Variants in ZNF8 observed in about 807,000 individuals in gnomAD.
ZNF8 encodes zinc finger protein 272.
A neutral mutation model predicts 12.2 loss-of-function variants in ZNF8; 9 were observed. The ratio of observed to expected loss-of-function variants is 0.73; its 90% CI spans 0.44 to 1.28. The LOEUF is 1.28. ZNF8 is among the 50% of genes most tolerant of loss of function. The probability of loss-of-function intolerance (pLI) is 0.00; values close to 1 mark genes in which losing one functional copy is unlikely to be tolerated. For missense variants in ZNF8, 664 were observed against 729.1 expected, an observed-to-expected ratio of 0.91 and a Z score of 1.03; for synonymous variants, 274 against 282.3, an observed-to-expected ratio of 0.97 and a Z score of 0.30.
rs985394699 is a variant in ZNF8 at position 58,285,863 on chromosome 19, G to T, written c.193+20G>T. On this transcript the variant is annotated intron_variant, in intron 2 of 3. Transcript: ENST00000621650. ...CCATAGGTAAGCCCTGCTTCGCAAG[G>T]TGTGATAGCTGATTCTCTCTGGGTT... is the stretch of plus-strand genomic sequence containing the variant. The T allele has an allele frequency of 1.2e-5, 19 of 1,591,926 alleles. No individual in the cohort carries two copies. The Admixed American group carries it at 1.6e-4, about 13-fold the overall frequency.
rs189816553 is a variant in ZNF8, at chr19:58,284,189, A to G, written c.67-1528A>G. ...CAGTGAGCCAAGATTGTGCCACTGC[A>G]CTCCAGCCTGATTGACAGAGTGAGA... On this transcript the variant is annotated intron_variant, in intron 1 of 3. Transcript: ENST00000621650. Among the ~76,000 whole-genome samples the G allele has an allele frequency of 3.1e-3, 477 of 152,064 alleles. 3 individuals carry two copies. The highest frequency in any genetic ancestry group is 0.011 in the African/African-American group (459 of 41,462).
chr19:58,291,288 G>A (rs1014717985), intron 3 of ZNF8, among the ~76,000 whole-genome samples: 1 of 152,008 alleles, frequency 6.6e-6, no homozygotes, highest in African/African-American at 2.4e-5. Context: ...CCTCTCTCTC[G>A]GAGACTCCAT....
intron 3 of ZNF8, 124 bp downstream of exon 3, chr19:58,286,329 G>A: frequency 1.1e-5 from 8 of 736,854 alleles, no homozygotes; most frequent in Non-Finnish European, 1.8e-5. Context: ...GAGTATACAG[G>A]ACTCAGCATA....
At chr19:58,293,282 T>C (rs1209039766) in intron 3 of ZNF8, among the ~76,000 whole-genome samples, 2 of 152,214 alleles carry the variant, frequency 1.3e-5, no homozygotes, top group Non-Finnish European at 2.9e-5. Flanking sequence ...GCAGGAAGCC[T>C]GGCACCTGGC....
Position 58,295,712 on chromosome 19 carries a change from G to A in ZNF8, c.*176G>A, listed in dbSNP as rs148373615. 95 of 590,512 alleles carry A rather than the reference G, an allele frequency of 1.6e-4. No homozygotes were observed. The highest frequency in any genetic ancestry group is 4.9e-4 in the South Asian group (21 of 42,824). The allele number at this position is 590,512 out of a possible 1,614,324, so 36.6% of individuals were successfully genotyped here. On this transcript the variant is annotated 3_prime_UTR_variant, in exon 4 of 4. Coordinates refer to ENST00000621650, the MANE Select transcript of ZNF8 (RefSeq NM_021089.3). ...GTTGGTCCCAAATCTATCAAACTCAGTGCCCTCTTTAGCGACATATTTTGT... is the reference window on the plus strand; with the variant it reads ...GTTGGTCCCAAATCTATCAAACTCAATGCCCTCTTTAGCGACATATTTTGT...
rs931258 is a variant in ZNF8 at position 58,297,343 on chromosome 19, A to C, written c.*1807A>C. On this transcript the variant is annotated 3_prime_UTR_variant, in exon 4 of 4. Coordinates refer to ENST00000621650, the MANE Select transcript of ZNF8 (RefSeq NM_021089.3). ...CAGATGGCATCATTAGCTAGTTTAT[A>C]CATGATGTACTTTTTAGTACATCCT... is the stretch of plus-strand genomic sequence containing the variant. 0.55 allele frequency: 82,873 copies of C among 152,044 alleles called. 23,021 individuals are homozygous for C. The highest frequency in any genetic ancestry group is 0.65 in the South Asian group (3,135 of 4,826). 9.4% of individuals were successfully genotyped at this position (152,044 alleles called of 1,614,324 possible).
At chr19:58,280,241 C>T in intron 1 of ZNF8, 1 of 217,822 alleles carries the variant, frequency 4.6e-6, no homozygotes, top group Non-Finnish European at 9.3e-6. Context: ...GCTGTTGTCA[C>T]CTGAGACCTG....
chr19:58,280,015 C>T (rs2051339498), intron 1 of ZNF8: 1 of 483,246 alleles, frequency 2.1e-6, no homozygotes, highest in African/African-American at 2.0e-5. Flanking sequence ...GAAATGCTAC[C>T]ACGTTTTATT....
Position 58,279,090 on chromosome 19 carries a change from C to T in ZNF8, c.9C>T (p.Pro3=), listed in dbSNP as rs553583402. The change falls in exon 1 of 4, where the codon CCC becomes CCT. Residue 3 remains proline, a synonymous_variant. Coordinates refer to ENST00000621650, the MANE Select transcript of ZNF8 (RefSeq NM_021089.3). MD[P]EDEGVAGVMS... Reference sequence around the variant, plus strand: ...TCACTGGGCGATCCAGCATGGACCCCGAGGACGAAGGGGTAGCGGGAGTGA... The same window carrying T: ...TCACTGGGCGATCCAGCATGGACCCTGAGGACGAAGGGGTAGCGGGAGTGA... 6 of 1,524,746 alleles carry T rather than the reference C, an allele frequency of 3.9e-6. No homozygotes were observed. Among genetic ancestry groups the T allele is most frequent in the African/African-American group, 1.4e-5 (1 of 73,044 alleles). The allele number at this position is 1,524,746 out of a possible 1,614,324, so 94.5% of individuals were successfully genotyped here. A position where few individuals can be genotyped will look rare whatever the true frequency, so the allele number is the denominator to read the frequency against.
intron 3 of ZNF8, among the ~76,000 whole-genome samples, chr19:58,293,308 CAT>C (rs1450744842): frequency 2.0e-5 from 3 of 152,186 alleles, no homozygotes; most frequent in African/African-American, 7.2e-5. Context: ...TCAGCTCCTC[CAT>C]TATCTCTCCC....
chr19:58,298,773 A>T lies in ZNF8; in HGVS notation c.*3237A>T, dbSNP rs2051472488. 6.6e-6 allele frequency: 1 copy of T among 151,660 alleles called. No homozygotes were observed. The highest frequency in any genetic ancestry group is 6.6e-5 in the Admixed American group (1 of 15,250). The allele number at this position is 151,660 out of a possible 1,614,324, so 9.4% of individuals were successfully genotyped here. A position where few individuals can be genotyped will look rare whatever the true frequency, so the allele number is the denominator to read the frequency against. ...GGTTGCCTCATAAATTTTGTTTTCT[A>T]TTTGTTTCATAGTAATCATAATCTA... is the stretch of plus-strand genomic sequence containing the variant. On this transcript the variant is annotated 3_prime_UTR_variant, in exon 4 of 4. Transcript: ENST00000621650.
rs1474547787 is a variant in ZNF8, at chr19:58,284,673, A to T, written c.67-1044A>T. ...AGACCAACCTGGCCAACATGGTAAA[A>T]CCCCATCTCTACTAAAAATACAAAA... On this transcript the variant is annotated intron_variant, in intron 1 of 3. Transcript: ENST00000621650. Among the ~76,000 whole-genome samples, 6 of 152,020 alleles carry T rather than the reference A, an allele frequency of 3.9e-5. No individual in the cohort carries two copies. The East Asian group carries it at 1.2e-3, about 29-fold the overall frequency.
At chr19:58,287,673 A>C (rs1600455427) in intron 3 of ZNF8, among the ~76,000 whole-genome samples, 2 of 101,276 alleles carry the variant, frequency 2.0e-5, no homozygotes, top group Admixed American at 1.5e-4. Flanking sequence ...AGACAGTCTC[A>C]CTCCGTTGCA....
chr19:58,302,414 AC>A lies in ZNF8; in HGVS notation c.*6879del, dbSNP rs556221051. The A allele has an allele frequency of 6.6e-6, 1 of 152,356 alleles. No individual in the cohort carries two copies. The highest frequency in any genetic ancestry group is 6.5e-5 in the Admixed American group (1 of 15,306). The allele number at this position is 152,356 out of a possible 1,614,324, so 9.4% of individuals were successfully genotyped here. A position where few individuals can be genotyped will look rare whatever the true frequency, so the allele number is the denominator to read the frequency against. On this transcript the variant is annotated 3_prime_UTR_variant, in exon 4 of 4. Transcript: ENST00000621650. ...TCTTAAAATATACACGTGTGTCTAC[AC>A]ATACATAGTGTACACTAAATTTTAC...
chr19:58,294,460 A>C lies in ZNF8; in HGVS notation c.652A>C (p.Ser218Arg). 4 of 1,614,182 alleles carry C rather than the reference A, an allele frequency of 2.5e-6. No homozygotes were observed. Among genetic ancestry groups the C allele is most frequent in the Non-Finnish European group, 3.4e-6 (4 of 1,180,038 alleles). The change falls in exon 4 of 4, where the codon AGT becomes CGT. Residue 218 changes from serine (S) to arginine (R), a missense_variant. Physicochemically the swap from Ser to Arg is moderately radical, Grantham distance 110 (BLOSUM62 -1). This residue lies in a region of ZNF8 where 306 missense variants were observed against 308.7 expected (regional missense o/e 0.99). Coordinates refer to ENST00000621650, the MANE Select transcript of ZNF8 (RefSeq NM_021089.3). The surrounding 1 kb of genome is among the most constrained non-coding windows in gnomAD (Gnocchi z 5.5). ...CTCAGAACATAACTCCAGCTTAGTC[A>C]GTCAGCAGACAGGCTCCCCAGGAAA... is the stretch of plus-strand genomic sequence containing the variant. ...TDSEHNSSLV[S>R]QQTGSPGKQP... is the part of the protein sequence containing the mutation.
intron 3 of ZNF8, 191 bp downstream of exon 3, chr19:58,286,396 G>A: frequency 3.9e-6 from 2 of 514,524 alleles, no homozygotes; most frequent in East Asian, 3.3e-5. Context: ...AGGCGCGTGG[G>A]GATAAGTTCA....
At chr19:58,279,556 A>T (rs1432862498) in intron 1 of ZNF8, 2 of 1,523,988 alleles carry the variant, frequency 1.3e-6, no homozygotes, top group African/African-American at 1.4e-5. Context: ...TCGAATAGAG[A>T]TGCTTTAACG....
At chr19:58,292,388 C>T (rs149402366) in intron 3 of ZNF8, among the ~76,000 whole-genome samples, 1 of 152,242 alleles carries the variant, frequency 6.6e-6, no homozygotes. Context: ...TCTCTCTGTG[C>T]CCTTATATGG....
Position 58,285,792 on chromosome 19 carries a change from A to G in ZNF8, c.142A>G (p.Ile48Val). ...GGGGCAGCTGGACCCTACCCAGAGG[A>G]TCCTCTACCGTGACGTGATGCTGGA... ...EWGQLDPTQR[I>V]LYRDVMLETF... Residue 48 changes from isoleucine to valine, a missense_variant, in exon 2 of 4, where the codon ATC becomes GTC. Transcript: ENST00000621650. 6.2e-7 allele frequency: 1 copy of G among 1,614,016 alleles called. No homozygotes were observed. Among genetic ancestry groups the G allele is most frequent in the Non-Finnish European group, 8.5e-7 (1 of 1,179,968 alleles).
Sources: allele counts gnomAD v4.1 joint callset (sites outside exome capture counted in the v4.1 genomes callset), GRCh38; gene constraint gnomAD v4.1.1; regional missense constraint gnomAD v4.1.1; non-coding constraint Gnocchi (gnomAD v3.1); transcripts MANE v1.5; gene names NCBI Gene and HGNC (gene_info 2026-07-23, HGNC 2026-07-21).